SRPK1: variants seen among roughly 807,000 people sequenced by gnomAD.
SRPK1 encodes the protein SRSF protein kinase 1.
SRPK1 carries 52 observed loss-of-function variants against 89.5 expected under a neutral mutation model. The observed-to-expected ratio is 0.58, with a 90% CI of 0.46 to 0.73. The LOEUF is 0.73. Ranked by LOEUF, SRPK1 falls within the 30% of genes least tolerant of loss-of-function variation. SRPK1 has a pLI of 0.00. For synonymous variants in SRPK1, 255 were observed against 270.2 expected, an observed-to-expected ratio of 0.94 and a Z score of 0.55; for missense variants, 603 against 780.6, an observed-to-expected ratio of 0.77 and a Z score of 2.71.
At chr6:35,906,468 A>T (rs1770850215) in intron 2 of SRPK1, among the ~76,000 whole-genome samples, 1 of 152,192 alleles carries the variant, frequency 6.6e-6, no homozygotes, top group African/African-American at 2.4e-5. Context: ...CAAACGATCC[A>T]CCGGCCTTGG....
At chr6:35,920,935 C>G (rs1243417867) in intron 1 of SRPK1, 109 bp downstream of exon 1, 2 of 1,303,538 alleles carry the variant, frequency 1.5e-6, no homozygotes, top group African/African-American at 1.5e-5. Context: ...GGAGGGGCGC[C>G]GCACGTCCGG....
intron 2 of SRPK1, among the ~76,000 whole-genome samples, chr6:35,910,520 T>C (rs1770938219): frequency 6.6e-6 from 1 of 152,224 alleles, no homozygotes; most frequent in Non-Finnish European, 1.5e-5. Context: ...CAGTGAGTGC[T>C]GATGAAAAAG....
intron 2 of SRPK1, among the ~76,000 whole-genome samples, chr6:35,895,191 C>A (rs1305554025): frequency 6.6e-6 from 1 of 152,104 alleles, no homozygotes; most frequent in African/African-American, 2.4e-5. Flanking sequence ...AATTATAGCA[C>A]AAGACACAGT....
At chr6:35,868,782 G>T (rs539018315) in intron 12 of SRPK1, among the ~76,000 whole-genome samples, 1 of 152,158 alleles carries the variant, frequency 6.6e-6, no homozygotes, top group East Asian at 1.9e-4. Flanking sequence ...GGTATCTGGA[G>T]TGGGGTGGGG....
At chr6:35,890,207 G>GAGCTGAGATCGTGCCACAGCACTCC (rs1331823221) in intron 3 of SRPK1, among the ~76,000 whole-genome samples, 3 of 152,182 alleles carry the variant, frequency 2.0e-5, no homozygotes, top group African/African-American at 7.2e-5. Context: ...AGGCTGCAGT[G>GAGCTGAGATCGTGCCACAGCACTCC]AGCTGAGATC....
At chr6:35,869,265 T>C in intron 11 of SRPK1, 155 bp from the exon 12 acceptor site, 1 of 867,396 alleles carries the variant, frequency 1.2e-6, no homozygotes, top group South Asian at 1.8e-5. Flanking sequence ...ACGCCTTGAG[T>C]TTCCAGAATT....
chr6:35,893,380 G>A (rs1356317745), intron 2 of SRPK1, among the ~76,000 whole-genome samples: 3 of 152,102 alleles, frequency 2.0e-5, no homozygotes, highest in Admixed American at 6.5e-5. Context: ...AGCTACTCGG[G>A]GAACTGAGGT....
intron 14 of SRPK1, among the ~76,000 whole-genome samples, 167 bp downstream of exon 14, chr6:35,842,368 A>G (rs1172687990): frequency 6.6e-6 from 1 of 152,214 alleles, no homozygotes; most frequent in Non-Finnish European, 1.5e-5. Flanking sequence ...CTTTCAGAAA[A>G]TATCTAAAAA....
Position 35,869,544 on chromosome 6 carries a change from C to T in SRPK1, c.1349G>A (p.Arg450Gln), listed in dbSNP as rs763268578. The T allele has an allele frequency of 1.6e-5, 26 of 1,613,794 alleles. No individual in the cohort carries two copies. The East Asian group carries it at 2.7e-4, about 17-fold the overall frequency. Reference protein sequence around the residue: ...QHISQLQESIRAEIPCEDEQE... With the variant: ...QHISQLQESIQAEIPCEDEQE... ...TTCATCTTCACAGGGTATCTCTGCCCGAATGCTTTCTTGAAGTTGGCTAAT... is the reference window on the plus strand; with the variant it reads ...TTCATCTTCACAGGGTATCTCTGCCTGAATGCTTTCTTGAAGTTGGCTAAT... The change falls in exon 11 of 16, where the codon CGG (arginine) becomes CAG (glutamine). Residue 450 changes from arginine (R) to glutamine (Q), a missense_variant. Physicochemically the swap from Arg to Gln is conservative, Grantham distance 43. Transcript: ENST00000373825.
intron 1 of SRPK1, 53 bp downstream of exon 1, chr6:35,920,991 G>A (rs1313806342): frequency 2.6e-5 from 39 of 1,522,496 alleles, no homozygotes; most frequent in Non-Finnish European, 3.3e-5. Flanking sequence ...GCTGACCCGG[G>A]CCTCGCCCCG....
At chr6:35,882,589 C>T (rs1335365421) in intron 6 of SRPK1, among the ~76,000 whole-genome samples, 2 of 151,976 alleles carry the variant, frequency 1.3e-5, no homozygotes, top group Non-Finnish European at 2.9e-5. Context: ...GCCACAGTGC[C>T]TGGCTAGGTT....
In SRPK1 at chr6:35,835,540, A is replaced by G. The variant is rs139514861; in HGVS notation, c.1784-52T>C. The G allele has an allele frequency of 2.4e-4, 370 of 1,518,528 alleles. 2 individuals are homozygous for G. The African/African-American group carries it at 3.1e-3, about 13-fold the overall frequency. 94.1% of individuals were successfully genotyped at this position (1,518,528 alleles called of 1,614,324 possible). ...CCACTGATCAACACAGACAAATGAC[A>G]AGGTACTCTTGTGGAAACCCACAAA... On this transcript the variant is annotated intron_variant, in intron 15 of 15. Coordinates refer to ENST00000373825, the MANE Select transcript of SRPK1 (RefSeq NM_003137.5).
intron 13 of SRPK1, among the ~76,000 whole-genome samples, chr6:35,845,181 C>T (rs73404053): frequency 0.071 from 10,818 of 151,968 alleles, 1,120 homozygotes; most frequent in African/African-American, 0.23. Context: ...AGCAGTGAAA[C>T]GATATTGTAT....
At chr6:35,886,167 GC>G (rs1770405327) in intron 6 of SRPK1, among the ~76,000 whole-genome samples, 1 of 148,924 alleles carries the variant, frequency 6.7e-6, no homozygotes, top group South Asian at 2.1e-4. Flanking sequence ...TGCAACCTCT[GC>G]CTCCCCAGTT....
chr6:35,870,182 A>T, intron 10 of SRPK1, 99 bp downstream of exon 10: 1 of 1,024,288 alleles, frequency 9.8e-7, no homozygotes. Flanking sequence ...AGATACCCCC[A>T]GAGATGTGTT....
chr6:35,839,765 C>T (rs1049221648), intron 14 of SRPK1, among the ~76,000 whole-genome samples: 4 of 151,930 alleles, frequency 2.6e-5, no homozygotes, highest in Admixed American at 1.3e-4. Flanking sequence ...CTGCAACCTC[C>T]ACTTCCTGGG....
At chr6:35,920,112 A>G in intron 2 of SRPK1, 1 of 475,182 alleles carries the variant, frequency 2.1e-6, no homozygotes, top group Non-Finnish European at 4.2e-6. Flanking sequence ...CAGGTAAGAG[A>G]GACCAGAGTT....
In SRPK1 at chr6:35,915,985, A is replaced by C. The variant is rs193090244; in HGVS notation, c.74+4483T>G. Among the ~76,000 whole-genome samples, 425 of 97,084 alleles carry C rather than the reference A, an allele frequency of 4.4e-3. 26 individuals are homozygous for C. The East Asian group carries it at 0.11, about 24-fold the overall frequency. The allele number at this position is 97,084 out of a possible 152,430, so 63.7% of individuals were successfully genotyped here. The stretch of plus-strand genomic sequence containing the variant: ...AGACTCTGTCTCAAAAACAAAAAAA[A>C]AAAAAAATATATACACACACACACA... On this transcript the variant is annotated intron_variant, in intron 2 of 15. Transcript: ENST00000373825.
chr6:35,838,459 G>GA (rs11348462), intron 14 of SRPK1, 30 bp from the exon 15 acceptor site: 224 of 1,512,406 alleles, frequency 1.5e-4, no homozygotes, highest in Non-Finnish European at 1.8e-4. Context: ...CAAGAGGGGG[G>GA]AAAAAAAAGA....
Sources: allele counts gnomAD v4.1 joint callset (sites outside exome capture counted in the v4.1 genomes callset), GRCh38; gene constraint gnomAD v4.1.1; transcripts MANE v1.5; gene names NCBI Gene and HGNC (gene_info 2026-07-23, HGNC 2026-07-21).